Variants in ENTPD5 observed in about 807,000 individuals in gnomAD.
ENTPD5 encodes ectonucleoside triphosphate diphosphohydrolase 5 (inactive).
A neutral mutation model predicts 60.2 loss-of-function variants in ENTPD5; 49 were observed. The ratio of observed to expected loss-of-function variants is 0.81; its 90% CI spans 0.65 to 1.03. The LOEUF is 1.03. Ranked by LOEUF, ENTPD5 falls within the 50% of genes least tolerant of loss-of-function variation. ENTPD5 has a pLI of 0.00. For synonymous variants in ENTPD5, 187 were observed against 185.4 expected, an observed-to-expected ratio of 1.01 and a Z score of -0.07; for missense variants, 480 against 507.6, an observed-to-expected ratio of 0.95 and a Z score of 0.52.
At chr14:73,978,420 A>G (rs1394259145) in intron 6 of ENTPD5, among the ~76,000 whole-genome samples, 3 of 152,092 alleles carry the variant, frequency 2.0e-5, no homozygotes, top group Non-Finnish European at 4.4e-5. Flanking sequence ...CCTGGCCAAC[A>G]TGATGAAACC....
At chr14:74,017,258 C>T (rs113187224) in intron 1 of ENTPD5, among the ~76,000 whole-genome samples, 13,747 of 149,746 alleles carry the variant, frequency 0.092, 772 homozygotes, top group South Asian at 0.26. Context: ...GTGGAGGCTG[C>T]GGTGGGCCGA....
chr14:73,984,177 G>A (rs1490992228), intron 5 of ENTPD5, among the ~76,000 whole-genome samples: 5 of 152,124 alleles, frequency 3.3e-5, no homozygotes, highest in African/African-American at 7.2e-5. Context: ...ACAGGCATGC[G>A]CCACAGCACC....
At chr14:73,998,671 G>C (rs1307551824) in intron 3 of ENTPD5, among the ~76,000 whole-genome samples, 1 of 152,030 alleles carries the variant, frequency 6.6e-6, no homozygotes, top group Non-Finnish European at 1.5e-5. Context: ...TTCAAAGCTG[G>C]GATGATGGAG....
chr14:73,980,144 AC>A (rs1449366753), intron 6 of ENTPD5, among the ~76,000 whole-genome samples: 3 of 151,230 alleles, frequency 2.0e-5, no homozygotes, highest in Non-Finnish European at 4.4e-5. Context: ...ACAGGGTTTC[AC>A]CATGTTGGCC....
At chr14:73,962,051 G>A (rs1880637805), downstream of ENTPD5, 1 of 925,674 alleles carries the variant, frequency 1.1e-6, no homozygotes, top group Admixed American at 2.0e-5. Flanking sequence ...AGGTTCAAGT[G>A]ATTATCCTGC....
At chr14:73,990,954 G>A (rs1324641012) in intron 3 of ENTPD5, among the ~76,000 whole-genome samples, 11 of 151,992 alleles carry the variant, frequency 7.2e-5, no homozygotes, top group African/African-American at 1.4e-4. Context: ...GCTTGAAACC[G>A]GGAAGCAGAG....
chr14:73,957,432 A>G (rs554335134), downstream of ENTPD5, among the ~76,000 whole-genome samples: 1 of 152,308 alleles, frequency 6.6e-6, no homozygotes, highest in African/African-American at 2.4e-5. Context: ...CTGACATACA[A>G]AAAGCTGTAA....
intron 2 of ENTPD5, among the ~76,000 whole-genome samples, chr14:74,014,796 C>T (rs1318737092): frequency 1.3e-5 from 2 of 152,102 alleles, no homozygotes; most frequent in Non-Finnish European, 2.9e-5. Flanking sequence ...AAAGTAACTC[C>T]TGGCCAGGTG....
At chr14:73,960,804 T>C (rs1046622419), downstream of ENTPD5, 1 of 380,424 alleles carries the variant, frequency 2.6e-6, no homozygotes, top group East Asian at 6.8e-5. Context: ...TTCTGGATGC[T>C]CTGAGATGTT....
intron 5 of ENTPD5, among the ~76,000 whole-genome samples, chr14:73,984,170 G>A (rs532732117): frequency 6.6e-6 from 1 of 152,314 alleles, no homozygotes; most frequent in Admixed American, 6.5e-5. Context: ...TGGGATTACA[G>A]GCATGCGCCA....
chr14:73,984,381 A>G (rs1024607960), intron 5 of ENTPD5, among the ~76,000 whole-genome samples: 3 of 152,218 alleles, frequency 2.0e-5, no homozygotes, highest in African/African-American at 7.2e-5. Context: ...TGTTGTGTGC[A>G]TGAGGCATAG....
At chr14:73,998,677 T>C (rs1356146698) in intron 3 of ENTPD5, among the ~76,000 whole-genome samples, 1 of 152,026 alleles carries the variant, frequency 6.6e-6, no homozygotes, top group African/African-American at 2.4e-5. Flanking sequence ...GCTGGGATGA[T>C]GGAGAAGGCT....
Position 73,970,078 on chromosome 14 carries a change from T to C in ENTPD5, c.1132A>G (p.Met378Val). 1 of 1,613,994 alleles carries C rather than the reference T, an allele frequency of 6.2e-7. No homozygotes were observed. The highest frequency in any genetic ancestry group is 8.5e-7 in the Non-Finnish European group (1 of 1,179,904). The change falls in exon 15 of 16, where the codon ATG (methionine) becomes GTG (valine). Residue 378 changes from methionine to valine, a missense_variant. Transcript: ENST00000334696. ...NFTSGSPFLC[M>V]DLSYITALLK... ...AGGGCTGTGATGTAGCTGAGATCCA[T>C]GCACAGGAAAGGACTGCCTGAGGTG...
downstream of ENTPD5, chr14:73,959,911 G>A: frequency 8.4e-7 from 1 of 1,187,236 alleles, no homozygotes; most frequent in Middle Eastern, 3.7e-4. Context: ...TAACCAGTCA[G>A]CTGTCCCTTT....
intron 3 of ENTPD5, among the ~76,000 whole-genome samples, chr14:74,007,387 G>A (rs904179138): frequency 3.9e-5 from 6 of 152,122 alleles, no homozygotes; most frequent in Non-Finnish European, 7.4e-5. Flanking sequence ...TGGGCATGCT[G>A]GCGCATGCCT....
chr14:74,001,318 C>G (rs574627256), intron 3 of ENTPD5, among the ~76,000 whole-genome samples: 1 of 152,002 alleles, frequency 6.6e-6, no homozygotes. Context: ...CTGGTTAACA[C>G]GGTGAAATCC....
In ENTPD5 at chr14:73,993,922, A is replaced by G. The variant is rs201279893; in HGVS notation, c.-70-5750T>C. On this transcript the variant is annotated intron_variant, in intron 3 of 15. Transcript: ENST00000334696. ...TAGGTATCTGTTTTCACGAAAAAAC[A>G]AACAAAAAAAAACAAACAAAAAACC... 6.9e-4 allele frequency among the ~76,000 whole-genome samples: 51 copies of G among 74,254 alleles called. 1 individual carries two copies. Among genetic ancestry groups the G allele is most frequent in the Admixed American group, 1.4e-3 (10 of 6,992 alleles). The allele number at this position is 74,254 out of a possible 152,430, so 48.7% of individuals were successfully genotyped here. A position where few individuals can be genotyped will look rare whatever the true frequency, so the allele number is the denominator to read the frequency against.
intron 14 of ENTPD5, 78 bp from the exon 15 acceptor site, chr14:73,970,203 G>T: frequency 9.4e-7 from 1 of 1,067,688 alleles, no homozygotes; most frequent in South Asian, 1.3e-5. Flanking sequence ...GAAAGAAGTG[G>T]AATAGGGGCC....
intron 2 of ENTPD5, among the ~76,000 whole-genome samples, 158 bp from the exon 3 acceptor site, chr14:74,011,308 T>C (rs976539275): frequency 1.3e-5 from 2 of 152,156 alleles, no homozygotes; most frequent in Non-Finnish European, 2.9e-5. Flanking sequence ...TGAGTTGTAG[T>C]CTAATGCCCT....
Sources: gnomAD v4.1 joint callset for allele counts (sites outside exome capture counted in the v4.1 genomes callset) on GRCh38, gnomAD v4.1.1 for gene constraint, MANE v1.5 for transcripts, NCBI Gene and HGNC (gene_info 2026-07-23, HGNC 2026-07-21) for gene names.